INTS15: variants seen among roughly 807,000 people sequenced by gnomAD.
The protein encoded by INTS15 is uncharacterized protein C7orf26.
At chr7:6,605,312 G>A in the INTS15 span, among the ~76,000 whole-genome samples, 1 of 152,104 alleles carries the variant, frequency 6.6e-6, no homozygotes, top group East Asian at 1.9e-4. Flanking sequence ...TTTGGTCTGG[G>A]TTCTAGAAGT....
the INTS15 span, among the ~76,000 whole-genome samples, chr7:6,606,472 G>A: frequency 6.6e-6 from 1 of 152,272 alleles, no homozygotes; most frequent in African/African-American, 2.4e-5. Context: ...TTGGCTAAGT[G>A]ACGGGGTGTG....
chr7:6,600,291 C>T, the INTS15 span: 4 of 1,614,090 alleles, frequency 2.5e-6, no homozygotes, highest in Non-Finnish European at 2.5e-6. Flanking sequence ...ATTGAGCTCT[C>T]GCTGGACCGG....
chr7:6,599,376 A>AG, the INTS15 span, among the ~76,000 whole-genome samples: 1 of 151,972 alleles, frequency 6.6e-6, no homozygotes, highest in Non-Finnish European at 1.5e-5. Flanking sequence ...GATCACTGAC[A>AG]GGACTCTGAG....
chr7:6,604,355 C>T, the INTS15 span, among the ~76,000 whole-genome samples: 1 of 152,168 alleles, frequency 6.6e-6, no homozygotes, highest in Admixed American at 6.6e-5. Flanking sequence ...TGTGATACCT[C>T]AGGAGGATGG....
chr7:6,596,763 C>T, the INTS15 span, among the ~76,000 whole-genome samples: 9 of 151,830 alleles, frequency 5.9e-5, no homozygotes, highest in South Asian at 2.1e-4. Flanking sequence ...CGTGCATATT[C>T]GTACGCTAAT....
chr7:6,590,123 C>G, the INTS15 span: 5 of 503,066 alleles, frequency 9.9e-6, no homozygotes, highest in South Asian at 4.2e-4. Flanking sequence ...CAGCGATGGC[C>G]CCCTGAGCAG....
the INTS15 span, chr7:6,594,577 C>T: frequency 1.9e-6 from 3 of 1,613,990 alleles, no homozygotes; most frequent in African/African-American, 2.7e-5. Context: ...ACCTCCGTTA[C>T]CGCGCTCTAT....
the INTS15 span, among the ~76,000 whole-genome samples, chr7:6,597,299 G>GTT: frequency 4.2e-5 from 6 of 142,948 alleles, no homozygotes; most frequent in Non-Finnish European, 6.2e-5. Flanking sequence ...TGGCTTTTTG[G>GTT]TTTTTTTTTT....
chr7:6,608,253 G>T, the INTS15 span: 1 of 1,497,368 alleles, frequency 6.7e-7, no homozygotes, highest in Non-Finnish European at 8.9e-7. Context: ...CCTCGGGGAA[G>T]GGGTCGGGCA....
chr7:6,608,357 GGAA>G, the INTS15 span: 1 of 1,423,054 alleles, frequency 7.0e-7, no homozygotes, highest in South Asian at 1.5e-5. Context: ...GATGGTGGAG[GGAA>G]GAGTCCAGCC....
At chr7:6,591,968 T>A in the INTS15 span, 12 of 1,037,226 alleles carry the variant, frequency 1.2e-5, no homozygotes, top group Non-Finnish European at 1.6e-5. Flanking sequence ...GGTCAGGGGT[T>A]CAAGACCAGC....
At chr7:6,593,595 A>G in the INTS15 span, among the ~76,000 whole-genome samples, 2 of 151,236 alleles carry the variant, frequency 1.3e-5, no homozygotes, top group South Asian at 4.2e-4. Context: ...CGGCCTCCCA[A>G]AATGCTGGGA....
the INTS15 span, among the ~76,000 whole-genome samples, chr7:6,604,327 G>A: frequency 6.6e-6 from 1 of 152,156 alleles, no homozygotes; most frequent in Non-Finnish European, 1.5e-5. Flanking sequence ...ACAGCGGGGT[G>A]ATACTTAGTA....
At chr7:6,590,938 A>G in the INTS15 span, among the ~76,000 whole-genome samples, 1 of 151,492 alleles carries the variant, frequency 6.6e-6, no homozygotes, top group Admixed American at 6.6e-5. Context: ...TCCTGGGCTC[A>G]AGTAATCCTC....
chr7:6,602,354 G>A, the INTS15 span: 2 of 541,406 alleles, frequency 3.7e-6, no homozygotes, highest in South Asian at 2.2e-5. Flanking sequence ...AGAGAGGCCA[G>A]TCCCTGTATC....
At chr7:6,598,487 G>A in the INTS15 span, among the ~76,000 whole-genome samples, 16 of 146,800 alleles carry the variant, frequency 1.1e-4, no homozygotes, top group African/African-American at 3.5e-4. Context: ...AAAAAAAAAG[G>A]CACACAGGAC....
At chr7:6,598,468 CAAAAAAAA>C in the INTS15 span, among the ~76,000 whole-genome samples, 1 of 121,222 alleles carries the variant, frequency 8.2e-6, no homozygotes, top group Admixed American at 9.0e-5. Flanking sequence ...GACTCCATCT[CAAAAAAAA>C]AAAAAAAAAG....
chr7:6,603,771 A>T, the INTS15 span, among the ~76,000 whole-genome samples: 1 of 152,138 alleles, frequency 6.6e-6, no homozygotes, highest in African/African-American at 2.4e-5. Flanking sequence ...CCCAGGAAGC[A>T]GAAGTTGTAG....
the INTS15 span, chr7:6,600,195 T>C: frequency 1.1e-5 from 17 of 1,614,106 alleles, no homozygotes; most frequent in Non-Finnish European, 1.4e-5. Flanking sequence ...CGCCTGGGGC[T>C]GATCCTCTTC....
Sources: allele counts gnomAD v4.1 joint callset (sites outside exome capture counted in the v4.1 genomes callset), GRCh38; gene constraint gnomAD v4.1.1; transcripts MANE v1.5; gene names NCBI Gene and HGNC (gene_info 2026-07-23, HGNC 2026-07-21).